Variants in FOXJ2 observed in about 807,000 individuals in gnomAD.
FOXJ2 encodes the protein forkhead box protein J2.
Under a neutral mutation model 68.4 loss-of-function variants are expected in FOXJ2, and 18 were observed. The ratio of observed to expected loss-of-function variants is 0.26; its 90% CI spans 0.18 to 0.39. The LOEUF is 0.39. FOXJ2 is among the 10% of genes least tolerant of loss of function. FOXJ2 has a pLI of 1.00. For missense variants in FOXJ2, 670 were observed against 726.5 expected (o/e 0.92, Z 0.89); for synonymous variants, 274 against 263.2 (o/e 1.04, Z -0.40).
At position 8,035,252 on chromosome 12, in the gene FOXJ2, A is replaced by C. The variant is rs779048178; in HGVS notation, c.-15+1419A>C. Among the ~76,000 whole-genome samples the C allele has an allele frequency of 6.6e-6, 1 of 152,244 alleles. No individual in the cohort carries two copies. The highest frequency in any genetic ancestry group is 2.1e-4 in the South Asian group (1 of 4,826). On this transcript the variant is annotated intron_variant, in intron 1 of 10. Transcript: ENST00000162391. The surrounding 1 kb of genome is among the most constrained non-coding windows in gnomAD (Gnocchi z 4.0). ...TTTTCAGACTATACTCCAGTTACCTAGAATTGTATGTTTCTGGTGGGCCTC... is the reference window on the plus strand; with the variant it reads ...TTTTCAGACTATACTCCAGTTACCTCGAATTGTATGTTTCTGGTGGGCCTC...
In FOXJ2 at chr12:8,052,881, G is replaced by A. The variant is rs1225619016; in HGVS notation, c.*31G>A. The A allele has an allele frequency of 6.4e-7, 1 of 1,567,224 alleles. No individual in the cohort carries two copies. Among genetic ancestry groups the A allele is most frequent in the Non-Finnish European group, 8.7e-7 (1 of 1,147,986 alleles). On this transcript the variant is annotated 3_prime_UTR_variant, in exon 11 of 11. Transcript: ENST00000162391. The stretch of plus-strand genomic sequence containing the variant: ...CACAGAGTGTGGACATCAGCCCAGG[G>A]CCGCGTGGTGAAATCTGGCAGTGGG...
At chr12:8,048,911 G>C in intron 8 of FOXJ2, 113 bp downstream of exon 8, 1 of 778,460 alleles carries the variant, frequency 1.3e-6, no homozygotes, top group East Asian at 2.5e-5. Context: ...GGATTTCATT[G>C]TTTTTCTTTC....
intron 8 of FOXJ2, 103 bp from the exon 9 acceptor site, chr12:8,049,259 G>A: frequency 1.2e-6 from 1 of 831,614 alleles, no homozygotes; most frequent in Non-Finnish European, 1.9e-6. Context: ...CCCGTTATCA[G>A]TGGGGGTGAT....
rs1239965673 is a variant in FOXJ2 at position 8,033,087 on chromosome 12, T to C, written c.-761T>C. On this transcript the variant is annotated 5_prime_UTR_variant, in exon 1 of 11. Coordinates refer to ENST00000162391, the MANE Select transcript of FOXJ2 (RefSeq NM_018416.3). ...TCGGGTGAGGGAAAGAAGAGACCCC[T>C]GGAGGGGACGCCTCTCTCCTGCCTA... 2 of 384,252 alleles carry C rather than the reference T, an allele frequency of 5.2e-6. No individual in the cohort carries two copies. The highest frequency in any genetic ancestry group is 3.7e-5 in the East Asian group (1 of 27,018). The allele number at this position is 384,252 out of a possible 1,614,324, so 23.8% of individuals were successfully genotyped here.
In FOXJ2 at chr12:8,048,202, C is replaced by T; in HGVS notation, c.1138C>T (p.His380Tyr). ...GCATGGAGGCTACCACCCTCATCAG[C>T]ACCATCCCCACTCCCACCCTGCCCA... Reference protein sequence around the residue: ...LQHGGYHPHQHHPHSHPAQQP... With the variant: ...LQHGGYHPHQYHPHSHPAQQP... The change falls in exon 7 of 11, where the codon CAC becomes TAC. Residue 380 changes from histidine to tyrosine, a missense_variant. His to Tyr is a moderately conservative substitution (Grantham distance 83, BLOSUM62 2). Coordinates refer to ENST00000162391, the MANE Select transcript of FOXJ2 (RefSeq NM_018416.3). The T allele has an allele frequency of 6.2e-7, 1 of 1,612,452 alleles. No individual in the cohort carries two copies.
rs1036392824 is a variant in FOXJ2 at position 8,035,954 on chromosome 12, A to G, written c.-15+2121A>G. Among the ~76,000 whole-genome samples, 4 of 152,214 alleles carry G rather than the reference A, an allele frequency of 2.6e-5. No individual in the cohort carries two copies. The highest frequency in any genetic ancestry group is 2.9e-5 in the Non-Finnish European group (2 of 68,036). ...ACATCCTGAAAACCATTGCAGATGC[A>G]GTGCAGGCTTTGTAATGCAAACCAC... On this transcript the variant is annotated intron_variant, in intron 1 of 10. Transcript: ENST00000162391. The surrounding 1 kb of genome is among the most constrained non-coding windows in gnomAD (Gnocchi z 4.0).
intron 9 of FOXJ2, chr12:8,049,938 A>T (rs1035533436): frequency 2.9e-5 from 9 of 308,940 alleles, no homozygotes; most frequent in African/African-American, 6.4e-5. Context: ...AAACTAGTGA[A>T]ATGAGAGAGA....
rs889637492 is a variant in FOXJ2, at chr12:8,040,962, C to A, written c.333+797C>A. Among the ~76,000 whole-genome samples the A allele has an allele frequency of 6.6e-6, 1 of 152,066 alleles. No individual in the cohort carries two copies. Among genetic ancestry groups the A allele is most frequent in the African/African-American group, 2.4e-5 (1 of 41,392 alleles). ...TAGGTTCTTTACAAACAGCTGGCTA[C>A]CAAGCAAGTAATGAGAAGTTAAGTT... On this transcript the variant is annotated intron_variant, in intron 2 of 10. Transcript: ENST00000162391. The surrounding 1 kb of genome is among the most constrained non-coding windows in gnomAD (Gnocchi z 4.0).
chr12:8,034,762 C>T (rs1268149666), intron 1 of FOXJ2, among the ~76,000 whole-genome samples: 1 of 152,234 alleles, frequency 6.6e-6, no homozygotes, highest in Non-Finnish European at 1.5e-5. Context: ...CTCTCCCTTC[C>T]TGTTTCTTGT....
rs1328428353 is a variant in FOXJ2 at position 8,051,031 on chromosome 12, T to TTTCCTTCCCCTTCCCC, written c.1636+416_1636+431dup. Among the ~76,000 whole-genome samples the TTTCCTTCCCCTTCCCC allele has an allele frequency of 2.2e-3, 221 of 98,250 alleles. 2 individuals carry two copies. The highest frequency in any genetic ancestry group is 3.3e-3 in the Non-Finnish European group (163 of 49,158). The allele number at this position is 98,250 out of a possible 152,430, so 64.5% of individuals were successfully genotyped here. A position where few individuals can be genotyped will look rare whatever the true frequency, so the allele number is the denominator to read the frequency against. ...CCCCTTCCCTTTCCCTTCCCTTCCC[T>TTTCCTTCCCCTTCCCC]TTCCTTCCCCTTCCCCTTCCCTTGC... On this transcript the variant is annotated intron_variant, in intron 10 of 10. Coordinates refer to ENST00000162391, the MANE Select transcript of FOXJ2 (RefSeq NM_018416.3).
chr12:8,040,995 T>C lies in FOXJ2; in HGVS notation c.333+830T>C, dbSNP rs984833868. On this transcript the variant is annotated intron_variant, in intron 2 of 10. Transcript: ENST00000162391. This position sits in a 1 kb window ranked among gnomAD's most constrained non-coding sequence, Gnocchi z 4.0. ...GTAATGAGAAGTTAAGTTGTTTGGC[T>C]GGAGATGAAGAAAGAAGGGGCTCCT... is the stretch of plus-strand genomic sequence containing the variant. Among the ~76,000 whole-genome samples the C allele has an allele frequency of 2.6e-5, 4 of 152,176 alleles. No homozygotes were observed. Among genetic ancestry groups the C allele is most frequent in the Non-Finnish European group, 4.4e-5 (3 of 68,034 alleles).
rs753515605 is a variant in FOXJ2, at chr12:8,052,779, C to T, written c.1654C>T (p.Arg552Trp). The change falls in exon 11 of 11, where the codon CGG becomes TGG. Residue 552 changes from arginine to tryptophan, a missense_variant. Arg to Trp is a moderately radical substitution (Grantham distance 101, BLOSUM62 -3). This residue lies in a region of FOXJ2 where 555 missense variants were observed against 562.2 expected (regional missense o/e 0.99). Coordinates refer to ENST00000162391, the MANE Select transcript of FOXJ2 (RefSeq NM_018416.3). The part of the protein sequence containing the change: ...YNRPAHHMVP[R>W]PSVPPPGANE... Reference sequence around the variant, plus strand: ...TCTAACAGCACACCATATGGTCCCTCGGCCATCAGTGCCACCTCCTGGTGC... The same window carrying T: ...TCTAACAGCACACCATATGGTCCCTTGGCCATCAGTGCCACCTCCTGGTGC... The T allele has an allele frequency of 5.0e-6, 8 of 1,610,054 alleles. No individual in the cohort carries two copies. Among genetic ancestry groups the T allele is most frequent in the Non-Finnish European group, 5.9e-6 (7 of 1,177,898 alleles).
intron 4 of FOXJ2, 22 bp downstream of exon 4, chr12:8,043,791 A>C: frequency 6.2e-7 from 1 of 1,614,042 alleles, no homozygotes; most frequent in East Asian, 2.2e-5. Flanking sequence ...GCTCATGAGG[A>C]GATGCCATAT....
At chr12:8,046,824 A>G (rs141888143) in intron 6 of FOXJ2, among the ~76,000 whole-genome samples, 1 of 152,176 alleles carries the variant, frequency 6.6e-6, no homozygotes, top group African/African-American at 2.4e-5. Flanking sequence ...ACTTATATTC[A>G]TTTTCATGAA....
intron 10 of FOXJ2, among the ~76,000 whole-genome samples, chr12:8,051,811 G>A (rs2120355669): frequency 6.6e-6 from 1 of 152,230 alleles, no homozygotes; most frequent in South Asian, 2.1e-4. Context: ...TCTATTCTTT[G>A]TCCATATAAT....
At chr12:8,047,116 G>C (rs1947047504) in intron 6 of FOXJ2, among the ~76,000 whole-genome samples, 1 of 152,006 alleles carries the variant, frequency 6.6e-6, no homozygotes, top group South Asian at 2.1e-4. Context: ...AGCTACATTT[G>C]TTTATAGAGG....
chr12:8,036,856 A>G (rs1251104186), intron 1 of FOXJ2, among the ~76,000 whole-genome samples: 1 of 152,154 alleles, frequency 6.6e-6, no homozygotes, highest in African/African-American at 2.4e-5. Flanking sequence ...TGGGAGACCG[A>G]GATGGGTAGA....
chr12:8,047,285 A>G (rs1292379778), intron 6 of FOXJ2, among the ~76,000 whole-genome samples: 2 of 152,116 alleles, frequency 1.3e-5, no homozygotes, highest in Admixed American at 6.5e-5. Flanking sequence ...CCCCGTCTCT[A>G]CTAAAAATAC....
Position 8,039,880 on chromosome 12 carries a change from C to T in FOXJ2, c.48C>T (p.Pro16=). The change falls in exon 2 of 11, where the codon CCC becomes CCT. Residue 16 remains proline (P), a synonymous_variant. Coordinates refer to ENST00000162391, the MANE Select transcript of FOXJ2 (RefSeq NM_018416.3). ...ESSLTSIDWL[P]QLTLRATIEK... is the part of the protein sequence containing the mutation. ...GCCTCACCTCCATAGACTGGCTCCC[C>T]CAGCTGACCCTCCGAGCTACCATTG... The T allele has an allele frequency of 1.9e-6, 3 of 1,614,182 alleles. No homozygotes were observed. Among genetic ancestry groups the T allele is most frequent in the Non-Finnish European group, 2.5e-6 (3 of 1,180,030 alleles).
Sources: allele counts gnomAD v4.1 joint callset (sites outside exome capture counted in the v4.1 genomes callset), GRCh38; gene constraint gnomAD v4.1.1; regional missense constraint gnomAD v4.1.1; non-coding constraint Gnocchi (gnomAD v3.1); transcripts MANE v1.5; gene names NCBI Gene and HGNC (gene_info 2026-07-23, HGNC 2026-07-21).